The following SLC24A2 variants were observed in gnomAD, a reference collection of about 807,000 sequenced individuals.
SLC24A2 encodes sodium/potassium/calcium exchanger 2.
A neutral mutation model predicts 62.0 loss-of-function variants in SLC24A2; 36 were observed. The observed-to-expected ratio is 0.58, with a 90% CI of 0.44 to 0.77. The LOEUF is 0.77. Among genes scored for constraint, SLC24A2 ranks in the 30% least tolerant of loss-of-function variants. The pLI, the probability that SLC24A2 is intolerant of heterozygous loss-of-function variation, is 0.00. For synonymous variants in SLC24A2, 358 were observed against 294.0 expected (o/e 1.22, Z -2.23); for missense variants, 846 against 817.9 (o/e 1.03, Z -0.42).
At chr9:20,020,231 A>G in the SLC24A2 span, among the ~76,000 whole-genome samples, 11 of 152,362 alleles carry the variant, frequency 7.2e-5, no homozygotes, top group South Asian at 2.3e-3. Flanking sequence ...GTATATACCC[A>G]AAGGATTATA....
the SLC24A2 span, among the ~76,000 whole-genome samples, chr9:20,268,577 A>G: frequency 6.6e-6 from 1 of 152,180 alleles, no homozygotes; most frequent in African/African-American, 2.4e-5. Flanking sequence ...CAAAACTCTC[A>G]GAGTCTCCAC....
At chr9:19,805,725 A>C in the SLC24A2 span, among the ~76,000 whole-genome samples, 1 of 152,070 alleles carries the variant, frequency 6.6e-6, no homozygotes. Flanking sequence ...CTATGATTTC[A>C]AAGGCATCTA....
the SLC24A2 span, among the ~76,000 whole-genome samples, chr9:19,842,635 G>C: frequency 1.5e-4 from 23 of 152,188 alleles, no homozygotes; most frequent in Non-Finnish European, 2.6e-4. Flanking sequence ...GTCTCCAAGG[G>C]GGGGATGTTC....
chr9:19,951,249 T>C, the SLC24A2 span, among the ~76,000 whole-genome samples: 149 of 152,154 alleles, frequency 9.8e-4, no homozygotes, highest in African/African-American at 3.4e-3. Context: ...TGTGTGTGTG[T>C]GTGTGTGTGT....
chr9:20,290,542 G>A, the SLC24A2 span, among the ~76,000 whole-genome samples: 1 of 152,234 alleles, frequency 6.6e-6, no homozygotes. Context: ...GGTGCAAAAT[G>A]TGTGATCACA....
At chr9:19,962,091 G>C in the SLC24A2 span, among the ~76,000 whole-genome samples, 1 of 152,250 alleles carries the variant, frequency 6.6e-6, no homozygotes, top group Non-Finnish European at 1.5e-5. Flanking sequence ...TGTTAGGTCA[G>C]TCAGTTAATG....
At chr9:20,201,271 T>C in the SLC24A2 span, among the ~76,000 whole-genome samples, 1,709 of 152,336 alleles carry the variant, frequency 0.011, 32 homozygotes, top group African/African-American at 0.039. Context: ...ATCTTCAGCC[T>C]CACTGAATAC....
intron 2 of SLC24A2, among the ~76,000 whole-genome samples, chr9:19,762,433 T>C (rs538828164): frequency 6.6e-6 from 1 of 152,356 alleles, no homozygotes; most frequent in Admixed American, 6.5e-5. Flanking sequence ...AGGGTTTTTA[T>C]GGTTTTAGGT....
the SLC24A2 span, among the ~76,000 whole-genome samples, chr9:19,916,413 A>T: frequency 2.0e-5 from 3 of 152,028 alleles, no homozygotes; most frequent in South Asian, 2.1e-4. Context: ...AAATTTTTTT[A>T]AAGTACTATG....
the SLC24A2 span, among the ~76,000 whole-genome samples, chr9:20,200,447 C>A: frequency 6.6e-6 from 1 of 152,224 alleles, no homozygotes; most frequent in Non-Finnish European, 1.5e-5. Flanking sequence ...TTGATTCTCA[C>A]AAATTTATCC....
the SLC24A2 span, among the ~76,000 whole-genome samples, chr9:19,896,583 C>T: frequency 5.9e-5 from 9 of 152,166 alleles, no homozygotes; most frequent in African/African-American, 2.2e-4. Context: ...TCATCACCAT[C>T]TAACAGATAA....
At chr9:19,648,134 C>T (rs2208556) in intron 2 of SLC24A2, among the ~76,000 whole-genome samples, 74,020 of 152,050 alleles carry the variant, frequency 0.49, 18,724 homozygotes, top group East Asian at 0.81. Flanking sequence ...CATTAGTTTA[C>T]GCAATAGACT....
chr9:19,570,223 T>C (rs1164357934), intron 7 of SLC24A2, among the ~76,000 whole-genome samples: 1 of 152,236 alleles, frequency 6.6e-6, no homozygotes, highest in Non-Finnish European at 1.5e-5. Context: ...TCACCTTGTA[T>C]TTTAGGCTCC....
intron 2 of SLC24A2, among the ~76,000 whole-genome samples, chr9:19,718,249 A>G (rs1305750808): frequency 1.4e-5 from 2 of 144,454 alleles, no homozygotes; most frequent in Non-Finnish European, 3.0e-5. Flanking sequence ...TGCTGGGATT[A>G]CAGGCTTAAG....
the SLC24A2 span, among the ~76,000 whole-genome samples, chr9:20,044,456 T>C: frequency 2.0e-5 from 3 of 152,102 alleles, no homozygotes; most frequent in Non-Finnish European, 4.4e-5. Context: ...AGGGAGGATG[T>C]TTAGTTTCAC....
chr9:19,965,308 G>A, the SLC24A2 span, among the ~76,000 whole-genome samples: 6 of 152,126 alleles, frequency 3.9e-5, no homozygotes, highest in African/African-American at 1.4e-4. Flanking sequence ...GGTCCTGGAT[G>A]GCCCGGCTGT....
chr9:20,105,437 C>A, the SLC24A2 span, among the ~76,000 whole-genome samples: 2 of 151,756 alleles, frequency 1.3e-5, no homozygotes, highest in African/African-American at 4.8e-5. Context: ...AAATTGACCA[C>A]ATACTTGGAA....
chr9:20,045,323 T>C, the SLC24A2 span, among the ~76,000 whole-genome samples: 250 of 152,202 alleles, frequency 1.6e-3, no homozygotes, highest in African/African-American at 5.9e-3. Flanking sequence ...GCTGATCTAC[T>C]AGGTGGGGAG....
the SLC24A2 span, among the ~76,000 whole-genome samples, chr9:20,195,645 T>A: frequency 6.6e-6 from 1 of 152,170 alleles, no homozygotes; most frequent in African/African-American, 2.4e-5. Flanking sequence ...TGTCTTCCAT[T>A]TAATGTTTTC....
Sources: allele counts gnomAD v4.1 joint callset (sites outside exome capture counted in the v4.1 genomes callset), GRCh38; gene constraint gnomAD v4.1.1; transcripts MANE v1.5; gene names NCBI Gene and HGNC (gene_info 2026-07-23, HGNC 2026-07-21).